The following DCDC2 variants were observed in gnomAD, a reference collection of about 807,000 sequenced individuals.
DCDC2 encodes the protein doublecortin domain containing 2.
In DCDC2, 40 loss-of-function variants were observed where a neutral mutation model predicts 50.2. That is an observed-to-expected ratio of 0.80 (90% confidence interval 0.62 to 1.04). DCDC2 has a LOEUF of 1.04. Ranked by LOEUF, DCDC2 falls within the 50% of genes least tolerant of loss-of-function variation. DCDC2 has a pLI of 0.00. For synonymous variants in DCDC2, 234 were observed against 210.6 expected (o/e 1.11, Z -0.96); for missense variants, 570 against 581.9 (o/e 0.98, Z 0.21).
At chr6:24,379,223 A>G in the DCDC2 span, among the ~76,000 whole-genome samples, 5 of 152,162 alleles carry the variant, frequency 3.3e-5, no homozygotes, top group South Asian at 2.1e-4. Flanking sequence ...TCTGCACAGC[A>G]AAAGAAGCTA....
chr6:24,333,341 T>C (rs1760000695), intron 2 of DCDC2, among the ~76,000 whole-genome samples: 1 of 152,168 alleles, frequency 6.6e-6, no homozygotes. Flanking sequence ...AGTGTTAGAC[T>C]GTGGATCCTG....
At chr6:24,324,613 G>A (rs1759826292) in intron 2 of DCDC2, among the ~76,000 whole-genome samples, 1 of 152,198 alleles carries the variant, frequency 6.6e-6, no homozygotes, top group African/African-American at 2.4e-5. Flanking sequence ...GCCAGGCACA[G>A]TGGCTCACAC....
At chr6:24,289,133 A>C (rs1163676534) in intron 5 of DCDC2, among the ~76,000 whole-genome samples, 3 of 152,244 alleles carry the variant, frequency 2.0e-5, no homozygotes, top group Admixed American at 6.5e-5. Flanking sequence ...ATTTTAATCA[A>C]TGCTTACAAG....
intron 7 of DCDC2, among the ~76,000 whole-genome samples, chr6:24,248,544 G>A (rs1762734072): frequency 6.6e-6 from 1 of 152,144 alleles, no homozygotes; most frequent in Non-Finnish European, 1.5e-5. Context: ...GTATCATTTT[G>A]TGGCACAATT....
chr6:24,177,856 A>G (rs185252345), intron 9 of DCDC2, among the ~76,000 whole-genome samples: 21 of 152,344 alleles, frequency 1.4e-4, no homozygotes, highest in African/African-American at 4.8e-4. Context: ...TTAAAGTAGA[A>G]AAAAGCAAAC....
intron 2 of DCDC2, among the ~76,000 whole-genome samples, chr6:24,317,008 GA>G (rs1169279525): frequency 6.7e-6 from 1 of 150,204 alleles, no homozygotes; most frequent in South Asian, 2.1e-4. Context: ...GAGAGAGAGA[GA>G]GACAAATTTG....
chr6:24,193,402 A>C (rs1187215135), intron 8 of DCDC2, among the ~76,000 whole-genome samples: 1 of 152,188 alleles, frequency 6.6e-6, no homozygotes, highest in Non-Finnish European at 1.5e-5. Flanking sequence ...CTAGAGAACA[A>C]CTTACCAGCT....
chr6:24,354,434 C>T (rs1347151598), intron 1 of DCDC2, among the ~76,000 whole-genome samples: 2 of 151,966 alleles, frequency 1.3e-5, no homozygotes, highest in East Asian at 3.9e-4. Flanking sequence ...GCCAACTTGT[C>T]CCAAAAAAAG....
chr6:24,378,425 C>T, the DCDC2 span, among the ~76,000 whole-genome samples: 2 of 152,150 alleles, frequency 1.3e-5, no homozygotes, highest in Non-Finnish European at 2.9e-5. Context: ...CCACTCCTAC[C>T]TCTGTCCCTT....
At chr6:24,200,746 G>A (rs1761567905) in intron 8 of DCDC2, among the ~76,000 whole-genome samples, 1 of 151,916 alleles carries the variant, frequency 6.6e-6, no homozygotes, top group Admixed American at 6.6e-5. Flanking sequence ...GCTGTATTCA[G>A]GAGACTCATC....
chr6:24,245,385 G>A (rs892707094), intron 7 of DCDC2, among the ~76,000 whole-genome samples: 1 of 152,168 alleles, frequency 6.6e-6, no homozygotes, highest in African/African-American at 2.4e-5. Context: ...AATGCCAGCT[G>A]TCCACTAGAC....
rs777469948 is a variant in DCDC2, at chr6:24,204,967, T to C, written c.1023+35A>G. The C allele has an allele frequency of 3.2e-5, 51 of 1,578,566 alleles. 1 individual carries two copies. The highest frequency in any genetic ancestry group is 8.0e-5 in the South Asian group (7 of 87,010). On this transcript the variant is annotated intron_variant, in intron 8 of 9. Coordinates refer to ENST00000378454, the MANE Select transcript of DCDC2 (RefSeq NM_016356.5). The stretch of plus-strand genomic sequence containing the variant: ...AAACTTGGAAAAAAAACACTATAAT[T>C]GTCTTACACATATTTTTTAAGGCAT...
In DCDC2 at chr6:24,249,538, T is replaced by C. The variant is rs531177789; in HGVS notation, c.922+28511A>G. ...AGTTTCAAGATAAGGCAGCGATGCA[T>C]TGGTTGCACAAAACGCCTATATTTA... is the stretch of plus-strand genomic sequence containing the variant. On this transcript the variant is annotated intron_variant, in intron 7 of 9. Coordinates refer to ENST00000378454, the MANE Select transcript of DCDC2 (RefSeq NM_016356.5). 1.5e-4 allele frequency among the ~76,000 whole-genome samples: 23 copies of C among 152,328 alleles called. No individual in the cohort carries two copies. The South Asian group carries it at 3.5e-3, about 23-fold the overall frequency.
At chr6:24,294,667 A>G (rs1763823555) in intron 4 of DCDC2, among the ~76,000 whole-genome samples, 1 of 152,176 alleles carries the variant, frequency 6.6e-6, no homozygotes, top group African/African-American at 2.4e-5. Context: ...AGAAATAAAA[A>G]TAACCATCAG....
chr6:24,212,949 C>T (rs558728512), intron 7 of DCDC2, among the ~76,000 whole-genome samples: 193 of 152,246 alleles, frequency 1.3e-3, no homozygotes, highest in Admixed American at 3.5e-3. Context: ...TTTAGCTTTT[C>T]TGCAACTAGG....
chr6:24,261,568 A>G (rs1458989939), intron 7 of DCDC2, among the ~76,000 whole-genome samples: 73 of 152,134 alleles, frequency 4.8e-4, no homozygotes, highest in Admixed American at 4.7e-3. Context: ...GCATGGGACA[A>G]TTCTAAGGTG....
At chr6:24,381,993 A>C in the DCDC2 span, among the ~76,000 whole-genome samples, 15 of 143,342 alleles carry the variant, frequency 1.0e-4, no homozygotes, top group Non-Finnish European at 1.7e-4. Context: ...GGAAGGAAGG[A>C]AGGAAGGAAG....
intron 7 of DCDC2, among the ~76,000 whole-genome samples, chr6:24,218,789 A>G (rs187744729): frequency 6.6e-6 from 1 of 152,354 alleles, no homozygotes; most frequent in East Asian, 1.9e-4. Context: ...CATCCGGCCT[A>G]TTTTAAAAAT....
At chr6:24,327,277 C>T (rs1164343777) in intron 2 of DCDC2, among the ~76,000 whole-genome samples, 2 of 149,292 alleles carry the variant, frequency 1.3e-5, no homozygotes, top group Non-Finnish European at 3.0e-5. Context: ...CTCTCCCTTA[C>T]ATAAGCATTT....
Sources: allele counts gnomAD v4.1 joint callset (sites outside exome capture counted in the v4.1 genomes callset), GRCh38; gene constraint gnomAD v4.1.1; transcripts MANE v1.5; gene names NCBI Gene and HGNC (gene_info 2026-07-23, HGNC 2026-07-21).